GTF3C2: variants seen among roughly 807,000 people sequenced by gnomAD.
The protein encoded by GTF3C2 is general transcription factor IIIC subunit 2.
A neutral mutation model predicts 117.4 loss-of-function variants in GTF3C2; 17 were observed. The observed-to-expected ratio is 0.14, with a 90% CI of 0.10 to 0.22. The LOEUF is 0.22. GTF3C2 is among the 10% of genes least tolerant of loss of function. GTF3C2 has a pLI of 1.00. For missense variants in GTF3C2, 888 were observed against 1,143.6 expected (o/e 0.78, Z 3.22); for synonymous variants, 437 against 427.0 (o/e 1.02, Z -0.29).
intron 1 of GTF3C2, among the ~76,000 whole-genome samples, chr2:27,348,768 G>A (rs935177719): frequency 1.3e-5 from 2 of 152,178 alleles, no homozygotes; most frequent in African/African-American, 2.4e-5. Flanking sequence ...ATCCCAGCCT[G>A]GGCAGACAGA....
At chr2:27,346,330 CTTTTTTTTTTTTTTTTTTTTTTTTTTT>C (rs144256545) in intron 1 of GTF3C2, among the ~76,000 whole-genome samples, 3 of 64,302 alleles carry the variant, frequency 4.7e-5, no homozygotes, top group Non-Finnish European at 8.7e-5. Context: ...ATTCTGATAC[CTTTTTTTTTTTTTTTTTTTTTTTTTTT>C]TTTTTTTTTT....
exon 18 of GTF3C2, chr2:27,327,241 A>G (rs759683401): frequency 6.2e-7 from 1 of 1,610,464 alleles, no homozygotes; most frequent in Non-Finnish European, 8.5e-7. Context: ...TCCCTCCTGC[A>G]TGCGCAGCAT....
chr2:27,327,318 T>C, intron 17 of GTF3C2, 34 bp from the exon 18 acceptor site: 1 of 1,136,374 alleles, frequency 8.8e-7, no homozygotes, highest in Non-Finnish European at 1.3e-6. Flanking sequence ...AGAGAGAAAG[T>C]GAGACGCTCG....
chr2:27,342,863 G>A (rs1309290824), exon 3 of GTF3C2: 6 of 1,613,986 alleles, frequency 3.7e-6, no homozygotes, highest in Non-Finnish European at 5.1e-6. Flanking sequence ...TCCCCAGAAG[G>A]GGTCTCAAAG....
At chr2:27,346,016 CTTTTT>C (rs70953853) in intron 1 of GTF3C2, among the ~76,000 whole-genome samples, 10 of 97,910 alleles carry the variant, frequency 1.0e-4, no homozygotes, top group South Asian at 3.3e-4. Context: ...TGCCCCGCCA[CTTTTT>C]TTTTTTTTTT....
At chr2:27,343,483 G>A in exon 2 of GTF3C2, 1 of 1,614,082 alleles carries the variant, frequency 6.2e-7, no homozygotes, top group Non-Finnish European at 8.5e-7. Context: ...GTCCAGGAGA[G>A]TCTACCACAG....
chr2:27,342,293 G>A (rs757531059), intron 3 of GTF3C2, 60 bp from the exon 4 acceptor site: 31 of 1,407,238 alleles, frequency 2.2e-5, no homozygotes, highest in Non-Finnish European at 2.8e-5. Flanking sequence ...CACGTTTCCA[G>A]ACATGGTTGA....
intron 1 of GTF3C2, among the ~76,000 whole-genome samples, chr2:27,345,541 C>T (rs1339385426): frequency 2.7e-5 from 4 of 150,286 alleles, no homozygotes; most frequent in Non-Finnish European, 4.4e-5. Flanking sequence ...TGCAGCGAGC[C>T]GAGATCATGC....
chr2:27,348,329 A>G (rs1029727927), intron 1 of GTF3C2, among the ~76,000 whole-genome samples: 4 of 150,984 alleles, frequency 2.6e-5, no homozygotes, highest in Admixed American at 2.6e-4. Context: ...AGTCCCAGCC[A>G]CTCAGGAATT....
At chr2:27,349,767 T>A (rs372977237) in intron 1 of GTF3C2, among the ~76,000 whole-genome samples, 59 of 151,862 alleles carry the variant, frequency 3.9e-4, no homozygotes, top group African/African-American at 1.4e-3. Flanking sequence ...GCCTCCCGAG[T>A]AGCTGGGATT....
intron 1 of GTF3C2, among the ~76,000 whole-genome samples, chr2:27,345,203 G>A (rs972903846): frequency 6.6e-6 from 1 of 152,058 alleles, no homozygotes; most frequent in Admixed American, 6.6e-5. Context: ...CCAGGAGGTC[G>A]AGGCTGCAGT....
At chr2:27,326,655 G>A (rs764268008) in exon 19 of GTF3C2, 2 of 1,584,188 alleles carry the variant, frequency 1.3e-6, no homozygotes, top group Non-Finnish European at 1.7e-6. Flanking sequence ...TTCACTCCAA[G>A]GATCTGGTGT....
chr2:27,329,674 C>T lies in GTF3C2; in HGVS notation c.1733-151G>A. ...GGGGATCCTGATTAGCTATCCAACA[C>T]TCCCTCCAGGGCTTAAAGACTCAAC... is the stretch of plus-strand genomic sequence containing the variant. On this transcript the variant is annotated intron_variant, in intron 12 of 18. Transcript: ENST00000264720. The surrounding 1 kb of genome is among the most constrained non-coding windows in gnomAD (Gnocchi z 4.5). 1.4e-6 allele frequency: 1 copy of T among 701,676 alleles called. No homozygotes were observed. Among genetic ancestry groups the T allele is most frequent in the Non-Finnish European group, 2.4e-6 (1 of 415,468 alleles). The allele number at this position is 701,676 out of a possible 1,614,324, so 43.5% of individuals were successfully genotyped here.
rs555754943 is a variant in GTF3C2 at position 27,336,031 on chromosome 2, GGA to G, written c.1356-5_1356-4del. ...CAAAGTGGGCCCTGTTGCCAGGACT[GGA>G]GAGAGAGAGCATGTGGGGATGGTGG... On this transcript the variant is annotated splice_polypyrimidine_tract_variant and splice_region_variant and intron_variant, in intron 8 of 18. Coordinates refer to ENST00000264720, the Ensembl canonical transcript of GTF3C2. The G allele has an allele frequency of 1.9e-5, 30 of 1,591,256 alleles. No homozygotes were observed. The highest frequency in any genetic ancestry group is 2.2e-5 in the Non-Finnish European group (26 of 1,159,230).
chr2:27,351,541 TAACTA>T (rs1310726070), intron 1 of GTF3C2, among the ~76,000 whole-genome samples: 1 of 152,186 alleles, frequency 6.6e-6, no homozygotes, highest in African/African-American at 2.4e-5. Flanking sequence ...GAAAGTGACC[TAACTA>T]AATAGGAGAG....
intron 1 of GTF3C2, among the ~76,000 whole-genome samples, chr2:27,346,814 C>T (rs1680933075): frequency 6.6e-6 from 1 of 152,070 alleles, no homozygotes; most frequent in Non-Finnish European, 1.5e-5. Context: ...CCCTCCCCAG[C>T]TTCCCAAATA....
chr2:27,339,773 G>A (rs1396606038), intron 4 of GTF3C2: 1 of 151,948 alleles, frequency 6.6e-6, no homozygotes, highest in African/African-American at 2.4e-5. Context: ...GATCACTTGA[G>A]GTCAAGAATT....
chr2:27,346,476 T>A (rs1347546360), intron 1 of GTF3C2, among the ~76,000 whole-genome samples: 1 of 146,780 alleles, frequency 6.8e-6, no homozygotes, highest in Non-Finnish European at 1.5e-5. Context: ...CTCAGCCGCC[T>A]GAGTAGTTGG....
At chr2:27,340,572 C>T (rs1680691154) in intron 4 of GTF3C2, 1 of 151,864 alleles carries the variant, frequency 6.6e-6, no homozygotes, top group Non-Finnish European at 1.5e-5. Flanking sequence ...CCCTGCTCTT[C>T]TCTTCCTTCA....
Sources: allele counts gnomAD v4.1 joint callset (sites outside exome capture counted in the v4.1 genomes callset), GRCh38; gene constraint gnomAD v4.1.1; non-coding constraint Gnocchi (gnomAD v3.1); transcripts MANE v1.5; gene names NCBI Gene and HGNC (gene_info 2026-07-23, HGNC 2026-07-21).